Variants in SOX6 observed in about 807,000 individuals in gnomAD.
The protein encoded by SOX6 is SRY-box transcription factor 6, also known as transcription factor SOX-6.
SOX6 carries 11 observed loss-of-function variants against 97.8 expected under a neutral mutation model. The ratio of observed to expected loss-of-function variants is 0.11; its 90% confidence interval spans 0.07 to 0.19. The LOEUF (loss-of-function observed/expected upper bound fraction) is 0.19. Among genes scored for constraint, SOX6 ranks in the 10% least tolerant of loss-of-function variants. The pLI is 1.00. For synonymous variants in SOX6, 360 were observed against 371.4 expected, an observed-to-expected ratio of 0.97 and a Z score of 0.35; for missense variants, 810 against 1,039.5, an observed-to-expected ratio of 0.78 and a Z score of 3.04.
intron 4 of SOX6, among the ~76,000 whole-genome samples, chr11:16,227,561 C>A (rs1273918862): frequency 6.6e-6 from 1 of 151,954 alleles, no homozygotes; most frequent in Non-Finnish European, 1.5e-5. Context: ...GTAACTGGGA[C>A]TAAAGGTGCG....
chr11:16,142,573 G>A (rs190640499), intron 6 of SOX6, among the ~76,000 whole-genome samples: 9 of 152,112 alleles, frequency 5.9e-5, no homozygotes, highest in Admixed American at 3.9e-4. Flanking sequence ...GAGGAAATTC[G>A]AACCCATCAC....
At chr11:16,643,181 C>G (rs769160146) in intron 3 of SOX6, among the ~76,000 whole-genome samples, 3 of 152,190 alleles carry the variant, frequency 2.0e-5, no homozygotes, top group Non-Finnish European at 4.4e-5. Context: ...GAGGTCCACT[C>G]CAGACCCTGT....
intron 1 of SOX6, among the ~76,000 whole-genome samples, chr11:16,467,288 T>C (rs1852910675): frequency 6.6e-6 from 1 of 152,114 alleles, no homozygotes; most frequent in Admixed American, 6.5e-5. Context: ...CATTACTGGG[T>C]ATGTACCCAA....
chr11:16,185,515 A>G (rs1417320866), intron 5 of SOX6, among the ~76,000 whole-genome samples: 2 of 152,220 alleles, frequency 1.3e-5, no homozygotes, highest in South Asian at 2.1e-4. Context: ...GACACAGTGA[A>G]GTATGGTACA....
chr11:16,518,879 C>T (rs1298087210), intron 4 of SOX6, among the ~76,000 whole-genome samples: 3 of 152,116 alleles, frequency 2.0e-5, no homozygotes, highest in Non-Finnish European at 4.4e-5. Context: ...AATGTATCTG[C>T]CTTTCAAAAA....
chr11:16,087,812 A>G (rs1848609043), intron 9 of SOX6, among the ~76,000 whole-genome samples: 1 of 152,134 alleles, frequency 6.6e-6, no homozygotes, highest in South Asian at 2.1e-4. Context: ...CTCAGAGGGC[A>G]GGGACTTTGT....
intron 3 of SOX6, among the ~76,000 whole-genome samples, chr11:16,647,526 C>A (rs1479663455): frequency 6.6e-6 from 1 of 152,218 alleles, no homozygotes; most frequent in Non-Finnish European, 1.5e-5. Flanking sequence ...GCAGCTCCCA[C>A]ATGGACAAAC....
At chr11:16,201,633 T>TC (rs1390378571) in intron 4 of SOX6, among the ~76,000 whole-genome samples, 5 of 133,522 alleles carry the variant, frequency 3.7e-5, no homozygotes, top group African/African-American at 1.4e-4. Flanking sequence ...TTTTTTTTTT[T>TC]TTCTTTTTTT....
At chr11:16,184,970 C>G (rs1010354144) in intron 5 of SOX6, among the ~76,000 whole-genome samples, 1 of 152,102 alleles carries the variant, frequency 6.6e-6, no homozygotes, top group Non-Finnish European at 1.5e-5. Context: ...ACTTCCAAAG[C>G]CAGTATTCTA....
chr11:16,523,147 G>A (rs1176546206), intron 4 of SOX6, among the ~76,000 whole-genome samples: 1 of 151,406 alleles, frequency 6.6e-6, no homozygotes, highest in Non-Finnish European at 1.5e-5. Flanking sequence ...GACATCTACA[G>A]GACTCTCCAT....
intron 1 of SOX6, among the ~76,000 whole-genome samples, chr11:16,467,963 C>T (rs1860073882): frequency 6.6e-6 from 1 of 152,164 alleles, no homozygotes; most frequent in Non-Finnish European, 1.5e-5. Context: ...CACTTAGTTC[C>T]TTTCAATATT....
intron 12 of SOX6, among the ~76,000 whole-genome samples, chr11:16,022,812 T>A (rs1169430369): frequency 6.6e-6 from 1 of 152,180 alleles, no homozygotes. Flanking sequence ...TCACTACTTT[T>A]AAGCACTCAA....
chr11:16,618,320 G>C (rs1448255847), intron 3 of SOX6, among the ~76,000 whole-genome samples: 2 of 151,850 alleles, frequency 1.3e-5, no homozygotes, highest in Non-Finnish European at 2.9e-5. Context: ...TTAGACTTAA[G>C]TCTATATTTA....
chr11:16,681,585 C>G (rs1847927973), intron 3 of SOX6, among the ~76,000 whole-genome samples: 1 of 151,988 alleles, frequency 6.6e-6, no homozygotes, highest in African/African-American at 2.4e-5. Flanking sequence ...CAAAAGCTAG[C>G]AGAAGGCAAG....
Position 16,064,521 on chromosome 11 carries a change from TATATATATATATATGAAGCC to T in SOX6, c.1102-8640_1102-8621del, listed in dbSNP as rs200881791. ...TACCAAAACCAGACAAAGCCATACA[TATATATATATATATGAAGCC>T]ATATATATATATGAAGCCATATATA... On this transcript the variant is annotated intron_variant, in intron 9 of 15. Transcript: ENST00000683767. Among the ~76,000 whole-genome samples, 478 of 116,534 alleles carry T rather than the reference TATATATATATATATGAAGCC, an allele frequency of 4.1e-3. 3 individuals are homozygous for T. Among genetic ancestry groups the T allele is most frequent in the African/African-American group, 0.023 (448 of 19,344 alleles). The allele number at this position is 116,534 out of a possible 152,430, so 76.5% of individuals were successfully genotyped here. A position where few individuals can be genotyped will look rare whatever the true frequency, so the allele number is the denominator to read the frequency against.
At chr11:16,105,495 G>A (rs1413875109) in intron 7 of SOX6, among the ~76,000 whole-genome samples, 2 of 152,022 alleles carry the variant, frequency 1.3e-5, no homozygotes, top group African/African-American at 2.4e-5. Context: ...TTGAAGCCAG[G>A]AGTTCAAGGC....
chr11:16,294,002 G>C (rs544292174), intron 3 of SOX6, among the ~76,000 whole-genome samples: 41 of 151,580 alleles, frequency 2.7e-4, no homozygotes, highest in African/African-American at 9.4e-4. Context: ...GCTTATATAT[G>C]CATTATGGCA....
chr11:16,002,342 A>G (rs540038844), intron 13 of SOX6, among the ~76,000 whole-genome samples: 2 of 152,152 alleles, frequency 1.3e-5, no homozygotes, highest in Non-Finnish European at 2.9e-5. Flanking sequence ...CCAGTGATAT[A>G]CCAGTCTGTA....
chr11:16,057,507 G>C (rs1259954312), intron 9 of SOX6, among the ~76,000 whole-genome samples: 3 of 152,188 alleles, frequency 2.0e-5, no homozygotes, highest in African/African-American at 7.2e-5. Flanking sequence ...CTCCCTTGGA[G>C]ACATCCTTTC....
Sources: allele counts gnomAD v4.1 joint callset (sites outside exome capture counted in the v4.1 genomes callset), GRCh38; gene constraint gnomAD v4.1.1; transcripts MANE v1.5; gene names NCBI Gene and HGNC (gene_info 2026-07-23, HGNC 2026-07-21).